Variants in AKR1C4 observed in about 807,000 individuals in gnomAD.
AKR1C4 encodes aldo-keto reductase family 1 member C4.
A neutral mutation model predicts 41.0 loss-of-function variants in AKR1C4; 44 were observed. The ratio of observed to expected loss-of-function variants is 1.07; its 90% confidence interval spans 0.84 to 1.38. The LOEUF (loss-of-function observed/expected upper bound fraction) is 1.38. AKR1C4 is among the 40% of genes most tolerant of loss of function. AKR1C4 has a pLI of 0.00. For synonymous variants in AKR1C4, 165 were observed against 137.7 expected (o/e 1.20, Z -1.39); for missense variants, 438 against 387.9 (o/e 1.13, Z -1.09).
In AKR1C4 at chr10:5,205,814, G is replaced by T; in HGVS notation, c.427G>T (p.Asp143Tyr). Reference sequence around the variant, plus strand: ...TGGAAAAGTAATATTCGACACAGTGGATCTCTCTGCCACATGGGAGGTGAG... The same window carrying T: ...TGGAAAAGTAATATTCGACACAGTGTATCTCTCTGCCACATGGGAGGTGAG... ...ENGKVIFDTV[D>Y]LSATWEVMEK... is the part of the protein sequence containing the mutation. The change falls in exon 4 of 9, where the codon GAT becomes TAT. Residue 143 changes from aspartate to tyrosine, a missense_variant. Coordinates refer to ENST00000263126, the MANE Select transcript of AKR1C4 (RefSeq NM_001818.5). The T allele has an allele frequency of 6.2e-7, 1 of 1,613,352 alleles. No homozygotes were observed. Among genetic ancestry groups the T allele is most frequent in the Non-Finnish European group, 8.5e-7 (1 of 1,179,516 alleles).
At chr10:5,207,848 G>A (rs573939447) in intron 5 of AKR1C4, 1 of 254,688 alleles carries the variant, frequency 3.9e-6, no homozygotes, top group South Asian at 4.4e-5. Flanking sequence ...TGCCCTCCTG[G>A]GTGCTATCAA....
chr10:5,203,328 A>G (rs11594448), intron 2 of AKR1C4, among the ~76,000 whole-genome samples: 30,785 of 152,142 alleles, frequency 0.2, 3,208 homozygotes, highest in Admixed American at 0.23. Context: ...CCCAAGTTCA[A>G]GTTGGCTGAC....
intron 5 of AKR1C4, among the ~76,000 whole-genome samples, chr10:5,211,626 T>C (rs558732943): frequency 2.0e-5 from 3 of 152,354 alleles, no homozygotes; most frequent in South Asian, 4.1e-4. Flanking sequence ...GACCTTCTTA[T>C]ACTTTTCTGT....
Position 5,212,652 on chromosome 10 carries a change from C to A in AKR1C4, c.607C>A (p.Leu203Met). The stretch of plus-strand genomic sequence containing the variant: ...TCCTTACCTCAACCAGAGCAAACTG[C>A]TGGATTTCTGCAAGTCAAAAGACAT... ...CHPYLNQSKL[L>M]DFCKSKDIVL... The change falls in exon 6 of 9, where the codon CTG becomes ATG. Residue 203 changes from leucine (L) to methionine (M), a missense_variant. Transcript: ENST00000263126. 1.2e-6 allele frequency: 2 copies of A among 1,613,706 alleles called. No homozygotes were observed. The highest frequency in any genetic ancestry group is 1.7e-6 in the Non-Finnish European group (2 of 1,179,922).
intron 7 of AKR1C4, among the ~76,000 whole-genome samples, chr10:5,216,192 C>A (rs563625415): frequency 1.2e-4 from 19 of 152,196 alleles, no homozygotes; most frequent in Non-Finnish European, 2.5e-4. Context: ...CTTTTTAAAC[C>A]AGATTTCATG....
At chr10:5,216,421 G>A (rs921073174) in intron 7 of AKR1C4, among the ~76,000 whole-genome samples, 1 of 152,192 alleles carries the variant, frequency 6.6e-6, no homozygotes, top group African/African-American at 2.4e-5. Context: ...CTGAATCTAA[G>A]TACATGAACC....
At position 5,200,346 on chromosome 10, in the gene AKR1C4, A is replaced by C. The variant is rs1832380618; in HGVS notation, c.250A>C (p.Lys84Gln). 1 of 1,612,738 alleles carries C rather than the reference A, an allele frequency of 6.2e-7. No homozygotes were observed. The highest frequency in any genetic ancestry group is 1.1e-5 in the South Asian group (1 of 90,776). Residue 84 changes from lysine (K) to glutamine (Q), a missense_variant and splice_region_variant, in exon 2 of 9, where the codon AAG (lysine) becomes CAG (glutamine). Coordinates refer to ENST00000263126, the MANE Select transcript of AKR1C4 (RefSeq NM_001818.5). ...VKREDIFYTS[K>Q]LWCTFFQPQM... Reference sequence around the variant, plus strand: ...GAGAGAAGACATATTCTACACTTCAAAGGTACTGTGCCTATGATGAGCATG... The same window carrying C: ...GAGAGAAGACATATTCTACACTTCACAGGTACTGTGCCTATGATGAGCATG...
intron 1 of AKR1C4, 63 bp downstream of exon 1, chr10:5,197,014 A>T (rs745644349): frequency 1.6e-4 from 251 of 1,525,662 alleles, no homozygotes; most frequent in Non-Finnish European, 4.5e-5. Flanking sequence ...GTGAACGATG[A>T]CCTGGGTTGT....
chr10:5,211,779 A>G (rs1832578725), intron 5 of AKR1C4, among the ~76,000 whole-genome samples: 1 of 152,184 alleles, frequency 6.6e-6, no homozygotes, highest in African/African-American at 2.4e-5. Flanking sequence ...GACATACTCA[A>G]GAGTGGGGAA....
chr10:5,208,435 G>A (rs79486928), intron 5 of AKR1C4, among the ~76,000 whole-genome samples: 3,045 of 151,664 alleles, frequency 0.02, 248 homozygotes, highest in African/African-American at 0.071. Flanking sequence ...AGAGAAATTT[G>A]AAGGGATAAT....
intron 7 of AKR1C4, among the ~76,000 whole-genome samples, chr10:5,215,619 T>TA (rs1431973069): frequency 1.3e-5 from 2 of 152,162 alleles, no homozygotes; most frequent in Admixed American, 6.5e-5. Context: ...CAGATACCCT[T>TA]AGTCATCACT....
At chr10:5,198,253 C>T (rs1832341696) in intron 1 of AKR1C4, among the ~76,000 whole-genome samples, 1 of 152,144 alleles carries the variant, frequency 6.6e-6, no homozygotes, top group South Asian at 2.1e-4. Flanking sequence ...GTATTTAGTT[C>T]TGTCATGCAC....
chr10:5,213,008 CCCCAGTTCTTTTGGAGGA>C lies in AKR1C4; in HGVS notation c.707_724del (p.Leu236_Leu241del). The stretch of plus-strand genomic sequence containing the variant: ...TTTCCTTCCAGGGTGGACCCAAACT[CCCCAGTTCTTTTGGAGGA>C]CCCAGTTCTTTGTGCCTTAGCAAAG... On this transcript the variant is annotated inframe_deletion, in exon 7 of 9. Transcript: ENST00000263126. 6.2e-7 allele frequency: 1 copy of C among 1,614,076 alleles called. No individual in the cohort carries two copies. The highest frequency in any genetic ancestry group is 8.5e-7 in the Non-Finnish European group (1 of 1,180,000).
intron 3 of AKR1C4, 67 bp from the exon 4 acceptor site, chr10:5,205,690 T>C: frequency 7.2e-7 from 1 of 1,381,994 alleles, no homozygotes; most frequent in South Asian, 1.2e-5. Flanking sequence ...TCCTAAAATG[T>C]ACATGGGAGC....
At chr10:5,206,624 T>G (rs1334475) in intron 5 of AKR1C4, among the ~76,000 whole-genome samples, 120,593 of 152,036 alleles carry the variant, frequency 0.79, 50,306 homozygotes, top group East Asian at 0.98. Flanking sequence ...GTACTATTTT[T>G]GGGGGAGGTG....
At chr10:5,200,887 AC>A (rs1203581556) in intron 2 of AKR1C4, among the ~76,000 whole-genome samples, 9 of 152,150 alleles carry the variant, frequency 5.9e-5, no homozygotes, top group African/African-American at 2.2e-4. Context: ...GAATTACTTT[AC>A]TTAGAATAAT....
intron 5 of AKR1C4, among the ~76,000 whole-genome samples, chr10:5,209,579 T>G (rs537542462): frequency 3.1e-4 from 47 of 152,296 alleles, no homozygotes; most frequent in African/African-American, 1.1e-3. Flanking sequence ...CTGGGACTTA[T>G]AGTTCCAATA....
At chr10:5,197,029 C>T in intron 1 of AKR1C4, 78 bp downstream of exon 1, 1 of 1,413,104 alleles carries the variant, frequency 7.1e-7, no homozygotes, top group Middle Eastern at 1.8e-4. Context: ...GGTTGTTCAG[C>T]TTTGTGTTTC....
At position 5,213,103 on chromosome 10, in the gene AKR1C4, G is replaced by A. The variant is rs1554798123; in HGVS notation, c.790G>A (p.Gly264Arg). The change falls in exon 7 of 9, where the codon GGG (glycine) becomes AGG (arginine). Residue 264 changes from glycine to arginine, a missense_variant. By Grantham distance (125) the Gly-to-Arg change is moderately radical. Transcript: ENST00000263126. ...LIALRYQLQR[G>R]VVVLAKSYNE... is the part of the protein sequence containing the mutation. ...TGCCCTGCGCTACCAGCTGCAGCGT[G>A]GGGTTGTGGTCCTGGCCAAGAGCTA... 1 of 1,614,156 alleles carries A rather than the reference G, an allele frequency of 6.2e-7. No homozygotes were observed. The highest frequency in any genetic ancestry group is 1.1e-5 in the South Asian group (1 of 91,086).
Sources: allele counts gnomAD v4.1 joint callset (sites outside exome capture counted in the v4.1 genomes callset), GRCh38; gene constraint gnomAD v4.1.1; transcripts MANE v1.5; gene names NCBI Gene and HGNC (gene_info 2026-07-23, HGNC 2026-07-21).